RYR3: variants seen among roughly 807,000 people sequenced by gnomAD.
The protein encoded by RYR3 is ryanodine receptor 3.
RYR3 carries 207 observed loss-of-function variants against 584.3 expected under a neutral mutation model. The observed-to-expected ratio is 0.35, with a 90% CI of 0.32 to 0.40. RYR3 has a LOEUF of 0.40. Ranked by LOEUF, RYR3 falls within the 10% of genes least tolerant of loss-of-function variation. The pLI is 1.00. For synonymous variants in RYR3, 2,416 were observed against 2,248.5 expected (o/e 1.07, Z -2.11); for missense variants, 5,616 against 6,089.2 (o/e 0.92, Z 2.59).
chr15:33,473,368 C>T, intron 1 of RYR3, 51 bp from the exon 2 acceptor site: 1 of 1,611,730 alleles, frequency 6.2e-7, no homozygotes, highest in Non-Finnish European at 8.5e-7. Context: ...GACTCGGGGC[C>T]TGGCTCAGCA....
chr15:33,439,351 G>A (rs1254494897), intron 1 of RYR3, among the ~76,000 whole-genome samples: 2 of 152,102 alleles, frequency 1.3e-5, no homozygotes, highest in Non-Finnish European at 2.9e-5. Flanking sequence ...AATTTTTAAA[G>A]GGGCTACGTC....
At chr15:33,831,887 T>C (rs958715925) in intron 86 of RYR3, among the ~76,000 whole-genome samples, 3 of 152,172 alleles carry the variant, frequency 2.0e-5, no homozygotes, top group African/African-American at 7.2e-5. Flanking sequence ...AACGCTCAGT[T>C]TGTACTCTGC....
At chr15:33,684,556 A>G (rs1258478466) in intron 38 of RYR3, among the ~76,000 whole-genome samples, 4 of 152,348 alleles carry the variant, frequency 2.6e-5, no homozygotes, top group Non-Finnish European at 1.5e-5. Context: ...AACTTCCCCA[A>G]TGTAGCAAGG....
At chr15:33,846,096 T>C (rs1451066251) in intron 93 of RYR3, among the ~76,000 whole-genome samples, 1 of 152,212 alleles carries the variant, frequency 6.6e-6, no homozygotes, top group East Asian at 1.9e-4. Context: ...TCTCCCTCTT[T>C]CTCTCCAGGG....
chr15:33,657,362 T>C (rs926241072), intron 32 of RYR3, among the ~76,000 whole-genome samples: 1 of 152,234 alleles, frequency 6.6e-6, no homozygotes, highest in African/African-American at 2.4e-5. Context: ...TTCGACTGAA[T>C]GCATTTCTCT....
chr15:33,415,880 T>C (rs2043775103), intron 1 of RYR3, among the ~76,000 whole-genome samples: 1 of 152,128 alleles, frequency 6.6e-6, no homozygotes, highest in African/African-American at 2.4e-5. Context: ...CTCCCTCTTT[T>C]TGGATTCCCC....
At chr15:33,754,833 A>G (rs1212250076) in intron 57 of RYR3, among the ~76,000 whole-genome samples, 1 of 152,200 alleles carries the variant, frequency 6.6e-6, no homozygotes, top group Admixed American at 6.5e-5. Flanking sequence ...CCCCTCAGAC[A>G]TCTCTAGCTC....
At chr15:33,483,173 C>A (rs2050124431) in intron 2 of RYR3, among the ~76,000 whole-genome samples, 1 of 151,754 alleles carries the variant, frequency 6.6e-6, no homozygotes, top group African/African-American at 2.4e-5. Context: ...CTCCATTATT[C>A]TTTCTCCCCT....
chr15:33,339,281 G>C (rs1971517150), intron 1 of RYR3, among the ~76,000 whole-genome samples: 1 of 152,222 alleles, frequency 6.6e-6, no homozygotes. Context: ...AGGGCTGATG[G>C]GCTCACGGAG....
At chr15:33,728,637 C>T (rs1411274778) in intron 46 of RYR3, among the ~76,000 whole-genome samples, 1 of 152,204 alleles carries the variant, frequency 6.6e-6, no homozygotes, top group African/African-American at 2.4e-5. Context: ...CCAGAATACT[C>T]ATGAGCATTT....
chr15:33,375,238 G>T (rs943819626), intron 1 of RYR3, among the ~76,000 whole-genome samples: 3 of 149,646 alleles, frequency 2.0e-5, no homozygotes, highest in South Asian at 2.2e-4. Context: ...AATACAAAGC[G>T]CTTAGGACAC....
At chr15:33,816,334 C>T (rs1362298433) in intron 74 of RYR3, among the ~76,000 whole-genome samples, 4 of 152,194 alleles carry the variant, frequency 2.6e-5, no homozygotes, top group South Asian at 2.1e-4. Context: ...AACGACGTAA[C>T]GTGCTTAAAC....
At chr15:33,387,627 G>T (rs989994000) in intron 1 of RYR3, among the ~76,000 whole-genome samples, 1 of 146,710 alleles carries the variant, frequency 6.8e-6, no homozygotes, top group Non-Finnish European at 1.5e-5. Context: ...ATGAAGAAAA[G>T]AACACAAGAT....
intron 1 of RYR3, among the ~76,000 whole-genome samples, chr15:33,417,590 CTT>C (rs1371572345): frequency 2.0e-5 from 3 of 152,124 alleles, no homozygotes; most frequent in Non-Finnish European, 4.4e-5. Flanking sequence ...TTGGCGGAAT[CTT>C]TAGGATTTTC....
At chr15:33,602,537 A>G (rs1217502958) in intron 17 of RYR3, among the ~76,000 whole-genome samples, 1 of 151,300 alleles carries the variant, frequency 6.6e-6, no homozygotes, top group Non-Finnish European at 1.5e-5. Flanking sequence ...TTTTAACTTA[A>G]AAAACAAAGG....
At chr15:33,735,662 T>C (rs1276819385) in intron 48 of RYR3, among the ~76,000 whole-genome samples, 1 of 152,248 alleles carries the variant, frequency 6.6e-6, no homozygotes, top group Non-Finnish European at 1.5e-5. Context: ...TGCCATGAAC[T>C]CTGTAATTTG....
intron 66 of RYR3, among the ~76,000 whole-genome samples, chr15:33,787,698 T>C (rs2074825322): frequency 6.6e-6 from 1 of 152,100 alleles, no homozygotes; most frequent in Non-Finnish European, 1.5e-5. Context: ...AGGCAATAGG[T>C]TGGCAGGTTT....
intron 1 of RYR3, among the ~76,000 whole-genome samples, chr15:33,402,297 T>A (rs144310477): frequency 1.3e-5 from 2 of 152,158 alleles, no homozygotes; most frequent in Non-Finnish European, 2.9e-5. Flanking sequence ...GACTAACAAT[T>A]TACAGGTTAC....
intron 1 of RYR3, among the ~76,000 whole-genome samples, chr15:33,417,974 A>T (rs901713312): frequency 6.6e-6 from 1 of 152,154 alleles, no homozygotes; most frequent in Non-Finnish European, 1.5e-5. Context: ...TATGTGGTGA[A>T]TCACATCAAA....
Sources: allele counts gnomAD v4.1 joint callset (sites outside exome capture counted in the v4.1 genomes callset), GRCh38; gene constraint gnomAD v4.1.1; transcripts MANE v1.5; gene names NCBI Gene and HGNC (gene_info 2026-07-23, HGNC 2026-07-21).